The following COL6A6 variants were observed in gnomAD, a reference collection of about 807,000 sequenced individuals.
The protein encoded by COL6A6 is collagen type VI alpha 6 chain.
COL6A6 carries 183 observed loss-of-function variants against 208.6 expected under a neutral mutation model. That is an observed-to-expected ratio of 0.88 (90% CI 0.78 to 0.99). The LOEUF is 0.99. Ranked by LOEUF, COL6A6 falls within the 50% of genes least tolerant of loss-of-function variation. The pLI is 0.00. For synonymous variants in COL6A6, 973 were observed against 1,011.8 expected (o/e 0.96, Z 0.73); for missense variants, 2,816 against 2,815.2 (o/e 1.00, Z -0.01).
In COL6A6 at chr3:130,662,141, G is replaced by T; in HGVS notation, c.6335G>T (p.Gly2112Val). The change falls in exon 35 of 37, where the codon GGA becomes GTA. Residue 2112 changes from glycine to valine, a missense_variant. Coordinates refer to ENST00000358511, the MANE Select transcript of COL6A6 (RefSeq NM_001102608.3). ...KKESLRAKCQGYALFVFSLGP... is the reference protein window; with the variant it reads ...KKESLRAKCQVYALFVFSLGP... ...GAATCCTTGCGAGCCAAATGTCAGG[G>T]ATATGCCTTATTTGTGTTTTCCCTT... 6.2e-7 allele frequency: 1 copy of T among 1,613,978 alleles called. No individual in the cohort carries two copies. The highest frequency in any genetic ancestry group is 1.3e-5 in the African/African-American group (1 of 75,034).
chr3:130,599,883 G>T (rs1360481932), intron 20 of COL6A6, 73 bp downstream of exon 20: 1 of 1,376,378 alleles, frequency 7.3e-7, no homozygotes, highest in Non-Finnish European at 1.0e-6. Flanking sequence ...CTGACTTTGG[G>T]GGAGTGGGTG....
intron 33 of COL6A6, among the ~76,000 whole-genome samples, 170 bp from the exon 34 acceptor site, chr3:130,658,506 A>C (rs563488201): frequency 2.0e-5 from 3 of 152,180 alleles, no homozygotes; most frequent in Non-Finnish European, 4.4e-5. Context: ...ATTGAGAGTC[A>C]AGGTTTAAAC....
chr3:130,671,526 A>G (rs1298263739), intron 36 of COL6A6, among the ~76,000 whole-genome samples: 1 of 152,214 alleles, frequency 6.6e-6, no homozygotes, highest in Admixed American at 6.5e-5. Context: ...TCTATAAGTG[A>G]TCAAAGACTC....
chr3:130,636,535 A>C (rs1342550800), intron 28 of COL6A6, among the ~76,000 whole-genome samples: 2 of 152,292 alleles, frequency 1.3e-5, no homozygotes, highest in East Asian at 3.9e-4. Context: ...ACTGGTCTTA[A>C]TTTATCATGT....
intron 1 of COL6A6, among the ~76,000 whole-genome samples, chr3:130,518,937 G>A (rs1164858671): frequency 2.6e-5 from 4 of 152,144 alleles, no homozygotes; most frequent in Non-Finnish European, 5.9e-5. Flanking sequence ...GTTAGGTTAA[G>A]CATTCATTGG....
Position 130,563,625 on chromosome 3 carries a change from A to G in COL6A6, c.622A>G (p.Lys208Glu). The change falls in exon 3 of 37, where the codon AAG (lysine) becomes GAG (glutamate). Residue 208 changes from lysine (K) to glutamate (E), a missense_variant. Physicochemically the swap from Lys to Glu is moderately conservative, Grantham distance 56. Transcript: ENST00000358511. ...NMTHIIKDVIKYKEGAVDDIF... is the reference protein window; with the variant it reads ...NMTHIIKDVIEYKEGAVDDIF... ...GACACACATCATCAAGGATGTAATAAAGTACAAGGAGGGAGCAGTTGATGA... is the reference window on the plus strand; with the variant it reads ...GACACACATCATCAAGGATGTAATAGAGTACAAGGAGGGAGCAGTTGATGA... The G allele has an allele frequency of 6.2e-7, 1 of 1,613,780 alleles. No individual in the cohort carries two copies. Among genetic ancestry groups the G allele is most frequent in the Non-Finnish European group, 8.5e-7 (1 of 1,179,708 alleles).
intron 36 of COL6A6, among the ~76,000 whole-genome samples, chr3:130,673,803 A>T (rs1269236320): frequency 6.6e-6 from 1 of 152,060 alleles, no homozygotes; most frequent in Non-Finnish European, 1.5e-5. Flanking sequence ...CCAAAAATAA[A>T]ACAATTAGCC....
chr3:130,552,668 G>A (rs934190544), intron 1 of COL6A6, among the ~76,000 whole-genome samples: 11 of 152,154 alleles, frequency 7.2e-5, no homozygotes, highest in Admixed American at 2.6e-4. Flanking sequence ...TCATATGTGC[G>A]AATTTCATCC....
In COL6A6 at chr3:130,593,183, CCTT is replaced by C. The variant is rs756723208; in HGVS notation, c.4417-12_4417-10del. On this transcript the variant is annotated splice_polypyrimidine_tract_variant and intron_variant, in intron 16 of 36. Coordinates refer to ENST00000358511, the MANE Select transcript of COL6A6 (RefSeq NM_001102608.3). ...AACGAGAATTCTATTAATAGCTTTC[CCTT>C]CTTGTTTTTTAGGGTGATAATGGTC... is the stretch of plus-strand genomic sequence containing the variant. The C allele has an allele frequency of 1.9e-6, 3 of 1,612,712 alleles. No homozygotes were observed.
intron 10 of COL6A6, among the ~76,000 whole-genome samples, chr3:130,584,397 T>G (rs1021194552): frequency 6.6e-6 from 1 of 152,034 alleles, no homozygotes; most frequent in Admixed American, 6.6e-5. Context: ...CACCAATTGA[T>G]GTACAAGCAT....
intron 1 of COL6A6, among the ~76,000 whole-genome samples, chr3:130,553,807 G>T (rs1267033042): frequency 1.3e-5 from 2 of 150,890 alleles, no homozygotes; most frequent in African/African-American, 4.9e-5. Context: ...CCTTGAAGTT[G>T]CTGTCCTTTG....
intron 13 of COL6A6, among the ~76,000 whole-genome samples, chr3:130,591,438 C>T (rs2063714174): frequency 6.6e-6 from 1 of 152,204 alleles, no homozygotes; most frequent in Non-Finnish European, 1.5e-5. Flanking sequence ...CCCACTCTTT[C>T]TTGCATTCAT....
intron 1 of COL6A6, among the ~76,000 whole-genome samples, chr3:130,559,864 GA>G (rs890992427): frequency 6.6e-6 from 1 of 152,062 alleles, no homozygotes; most frequent in Admixed American, 6.5e-5. Flanking sequence ...GGAGGAAAAG[GA>G]AAAAACGTGT....
chr3:130,522,649 G>A (rs1335336531), intron 1 of COL6A6, among the ~76,000 whole-genome samples: 2 of 152,084 alleles, frequency 1.3e-5, no homozygotes, highest in African/African-American at 4.8e-5. Flanking sequence ...AGTCCAACAA[G>A]TCCCAAATGG....
chr3:130,600,778 A>G (rs560793201), intron 20 of COL6A6, among the ~76,000 whole-genome samples: 1 of 152,324 alleles, frequency 6.6e-6, no homozygotes, highest in Non-Finnish European at 1.5e-5. Flanking sequence ...CATAAAACCT[A>G]GATGAACAGT....
chr3:130,644,630 A>G (rs1391363709), intron 31 of COL6A6, among the ~76,000 whole-genome samples: 1 of 152,238 alleles, frequency 6.6e-6, no homozygotes, highest in Non-Finnish European at 1.5e-5. Context: ...AGTTATAGAT[A>G]TCTACATGGG....
At position 130,661,919 on chromosome 3, in the gene COL6A6, A is replaced by G. The variant is rs533178276; in HGVS notation, c.6113A>G (p.Tyr2038Cys). The G allele has an allele frequency of 2.4e-5, 39 of 1,613,964 alleles. No homozygotes were observed. In the East Asian group the frequency reaches 8.5e-4, roughly 35 times the overall value. Reference protein sequence around the residue: ...PVRAEFNLTTYRSKRLMKRHV... With the variant: ...PVRAEFNLTTCRSKRLMKRHV... ...AGAGCTGAGTTCAATCTTACCACCT[A>G]CAGAAGTAAGCGCCTCATGAAGAGG... The change falls in exon 35 of 37, where the codon TAC (tyrosine) becomes TGC (cysteine). Residue 2038 changes from tyrosine to cysteine, a missense_variant. Physicochemically the swap from Tyr to Cys is radical, Grantham distance 194 (BLOSUM62 -2). Transcript: ENST00000358511.
At chr3:130,530,092 G>A (rs1041620255) in intron 1 of COL6A6, among the ~76,000 whole-genome samples, 7 of 152,206 alleles carry the variant, frequency 4.6e-5, no homozygotes, top group East Asian at 1.9e-4. Flanking sequence ...CCCTCCTGGC[G>A]ATTCTGAGGC....
intron 24 of COL6A6, among the ~76,000 whole-genome samples, chr3:130,622,727 G>A (rs2064768165): frequency 6.6e-6 from 1 of 151,870 alleles, no homozygotes; most frequent in African/African-American, 2.4e-5. Context: ...CGAGGTGGCG[G>A]GCACCTGTAG....
Sources: gnomAD v4.1 joint callset for allele counts (sites outside exome capture counted in the v4.1 genomes callset) on GRCh38, gnomAD v4.1.1 for gene constraint, MANE v1.5 for transcripts, NCBI Gene and HGNC (gene_info 2026-07-23, HGNC 2026-07-21) for gene names.